The following HRG variants were observed in gnomAD, a reference collection of about 807,000 sequenced individuals.
The protein encoded by HRG is histidine-rich glycoprotein.
A neutral mutation model predicts 29.5 loss-of-function variants in HRG; 26 were observed. The observed-to-expected ratio is 0.88, with a 90% CI of 0.65 to 1.22. HRG has a LOEUF of 1.22. Ranked by LOEUF, HRG falls within the 50% of genes most tolerant of loss-of-function variation. The probability of loss-of-function intolerance (pLI) is 0.00; values close to 1 mark genes in which losing one functional copy is unlikely to be tolerated. For synonymous variants in HRG, 243 were observed against 240.4 expected, an observed-to-expected ratio of 1.01 and a Z score of -0.10; for missense variants, 671 against 654.5, an observed-to-expected ratio of 1.03 and a Z score of -0.28.
chr3:186,674,907 C>T (rs1008224032), intron 5 of HRG, 182 bp from the exon 6 acceptor site: 6 of 660,166 alleles, frequency 9.1e-6, no homozygotes, highest in South Asian at 9.1e-5. Context: ...CCTTCACCAC[C>T]TGCACTTTCC....
intron 6 of HRG, 66 bp downstream of exon 6, chr3:186,675,256 G>A: frequency 2.1e-6 from 2 of 948,298 alleles, no homozygotes; most frequent in Non-Finnish European, 3.4e-6. Flanking sequence ...CACAAATAGT[G>A]TTGTTGCTTC....
chr3:186,674,220 A>C (rs1456853977), intron 5 of HRG: 1 of 152,182 alleles, frequency 6.6e-6, no homozygotes, highest in African/African-American at 2.4e-5. Context: ...TATGGCCAAC[A>C]AACCCTTCAT....
rs374829693 is a variant in HRG, at chr3:186,671,717, T to G, written c.486T>G (p.Leu162=). 1 of 1,613,754 alleles carries G rather than the reference T, an allele frequency of 6.2e-7. No individual in the cohort carries two copies. Among genetic ancestry groups the G allele is most frequent in the Admixed American group, 1.7e-5 (1 of 59,994 alleles). Residue 162 remains leucine (L), a synonymous_variant, in exon 4 of 7, where the codon CTT becomes CTG. Coordinates refer to ENST00000232003, the MANE Select transcript of HRG (RefSeq NM_000412.5). ...ERYRKQANKA[L]EKYKEENDDF... is the part of the protein sequence containing the mutation. ...ACAGAAAACAAGCCAACAAAGCCCT[T>G]GAGAAGTACAAAGAGGAGAATGATG...
At position 186,671,726 on chromosome 3, in the gene HRG, C is replaced by T. The variant is rs781056236; in HGVS notation, c.495C>T (p.Tyr165=). The T allele has an allele frequency of 1.2e-5, 20 of 1,613,784 alleles. No individual in the cohort carries two copies. The South Asian group carries it at 2.1e-4, about 17-fold the overall frequency. ...AAGCCAACAAAGCCCTTGAGAAGTA[C>T]AAAGAGGAGAATGATGACTTTGCCT... ...RKQANKALEK[Y]KEENDDFASF... is the part of the protein sequence containing the mutation. Residue 165 remains tyrosine, a synonymous_variant, in exon 4 of 7, where the codon TAC becomes TAT. Coordinates refer to ENST00000232003, the MANE Select transcript of HRG (RefSeq NM_000412.5).
Position 186,666,192 on chromosome 3 carries a change from C to T in HRG, c.161C>T (p.Ala54Val), listed in dbSNP as rs943137149. ...DGYLFQLLRI[A>V]DAHLDRVENT... ...TACCTTTTCCAATTGCTGCGGATTG[C>T]TGATGCCCACTTGGACAGAGTGGTG... is the stretch of plus-strand genomic sequence containing the variant. Residue 54 changes from alanine to valine, a missense_variant, in exon 1 of 7, where the codon GCT becomes GTT. Coordinates refer to ENST00000232003, the MANE Select transcript of HRG (RefSeq NM_000412.5). The T allele has an allele frequency of 3.7e-6, 6 of 1,613,818 alleles. No homozygotes were observed. Among genetic ancestry groups the T allele is most frequent in the Non-Finnish European group, 5.1e-6 (6 of 1,179,890 alleles).
At chr3:186,676,950 T>A in intron 6 of HRG, 97 bp from the exon 7 acceptor site, 1 of 1,346,414 alleles carries the variant, frequency 7.4e-7, no homozygotes, top group Middle Eastern at 1.9e-4. Flanking sequence ...ATTTGTGGAA[T>A]CTATGATCTG....
intron 5 of HRG, chr3:186,673,869 C>T (rs1718885827): frequency 6.6e-6 from 1 of 152,134 alleles, no homozygotes; most frequent in Admixed American, 6.5e-5. Flanking sequence ...GCATGGTGAC[C>T]TACAGTTAAA....
chr3:186,675,302 T>A lies in HRG; in HGVS notation c.741+112T>A, dbSNP rs201939393. 80,975 of 560,828 alleles carry A rather than the reference T, an allele frequency of 0.14. 8,642 individuals are homozygous for A. The highest frequency in any genetic ancestry group is 0.24 in the East Asian group (5,658 of 23,118). The allele number at this position is 560,828 out of a possible 1,614,324, so 34.7% of individuals were successfully genotyped here. ...ATGAGTGGGTGTGTGTGTGTGTGTGTGTGTGTGAGAGAGAGAGAGAGAGAG... is the reference window on the plus strand; with the variant it reads ...ATGAGTGGGTGTGTGTGTGTGTGTGAGTGTGTGAGAGAGAGAGAGAGAGAG... On this transcript the variant is annotated intron_variant, in intron 6 of 6. Coordinates refer to ENST00000232003, the MANE Select transcript of HRG (RefSeq NM_000412.5).
At chr3:186,676,735 C>G (rs1719003893) in intron 6 of HRG, among the ~76,000 whole-genome samples, 2 of 151,942 alleles carry the variant, frequency 1.3e-5, no homozygotes, top group Admixed American at 6.6e-5. Flanking sequence ...ATTGCTTGAA[C>G]CTGAGAGGTG....
intron 4 of HRG, 65 bp downstream of exon 4, chr3:186,671,854 G>T (rs1300261776): frequency 7.3e-7 from 1 of 1,379,192 alleles, no homozygotes; most frequent in East Asian, 2.3e-5. Flanking sequence ...AGCAGGAACT[G>T]AATGGCATAC....
chr3:186,666,298 G>A, intron 1 of HRG, 84 bp downstream of exon 1: 1 of 1,394,230 alleles, frequency 7.2e-7, no homozygotes. Context: ...TTACTGCTTT[G>A]CACAATGAAT....
chr3:186,671,082 G>A (rs988002670), intron 3 of HRG, among the ~76,000 whole-genome samples: 4 of 151,292 alleles, frequency 2.6e-5, no homozygotes, highest in East Asian at 3.9e-4. Flanking sequence ...GGCCTGGTGC[G>A]GTGGCTCACA....
intron 4 of HRG, 110 bp downstream of exon 4, chr3:186,671,899 T>A: frequency 1.1e-6 from 1 of 946,880 alleles, no homozygotes; most frequent in Non-Finnish European, 1.7e-6. Flanking sequence ...AGCTGCCTTT[T>A]AATTTGTCAC....
At chr3:186,671,212 T>C (rs541230233) in intron 3 of HRG, among the ~76,000 whole-genome samples, 140 of 124,904 alleles carry the variant, frequency 1.1e-3, no homozygotes, top group Non-Finnish European at 1.8e-3. Flanking sequence ...TATGTTAATA[T>C]ATATATCATA....
intron 4 of HRG, among the ~76,000 whole-genome samples, chr3:186,672,185 C>A (rs1388738966): frequency 1.3e-5 from 2 of 152,162 alleles, no homozygotes; most frequent in South Asian, 4.1e-4. Flanking sequence ...TTAGATGGTT[C>A]CCTGCTCTCT....
intron 6 of HRG, among the ~76,000 whole-genome samples, chr3:186,676,710 G>A (rs1483966285): frequency 1.3e-5 from 2 of 152,078 alleles, no homozygotes; most frequent in Non-Finnish European, 2.9e-5. Context: ...CTACTTGGGA[G>A]GCTGAGGCAG....
chr3:186,671,740 A>C lies in HRG; in HGVS notation c.509A>C (p.Asp170Ala), dbSNP rs1196318911. 1 of 1,613,896 alleles carries C rather than the reference A, an allele frequency of 6.2e-7. No homozygotes were observed. Among genetic ancestry groups the C allele is most frequent in the East Asian group, 2.2e-5 (1 of 44,890 alleles). The change falls in exon 4 of 7, where the codon GAT becomes GCT. Residue 170 changes from aspartate to alanine, a missense_variant. Coordinates refer to ENST00000232003, the MANE Select transcript of HRG (RefSeq NM_000412.5). ...CTTGAGAAGTACAAAGAGGAGAATG[A>C]TGACTTTGCCTCTTTCAGAGTGGAC... is the stretch of plus-strand genomic sequence containing the variant. ...KALEKYKEEN[D>A]DFASFRVDRI... is the part of the protein sequence containing the mutation.
chr3:186,668,991 C>A lies in HRG; in HGVS notation c.240C>A (p.Val80=). ...ATGTGCAAGAATCGGACTGTTCGGT[C>A]CTATCCAGGAAATACTGGAATGACT... ...VLDVQESDCS[V]LSRKYWNDCE... is the part of the protein sequence containing the mutation. Residue 80 remains valine, a synonymous_variant, in exon 2 of 7, where the codon GTC becomes GTA. Transcript: ENST00000232003. The A allele has an allele frequency of 6.2e-7, 1 of 1,612,922 alleles. No homozygotes were observed. Among genetic ancestry groups the A allele is most frequent in the Non-Finnish European group, 8.5e-7 (1 of 1,178,914 alleles).
At chr3:186,668,677 C>G (rs1718686771) in intron 1 of HRG, 2 of 457,122 alleles carry the variant, frequency 4.4e-6, no homozygotes, top group African/African-American at 4.0e-5. Flanking sequence ...TCCGCTAAAC[C>G]ACCACTGCCG....
Sources: gnomAD v4.1 joint callset for allele counts (sites outside exome capture counted in the v4.1 genomes callset) on GRCh38, gnomAD v4.1.1 for gene constraint, MANE v1.5 for transcripts, NCBI Gene and HGNC (gene_info 2026-07-23, HGNC 2026-07-21) for gene names.